TEC: variants seen among roughly 807,000 people sequenced by gnomAD.
The protein encoded by TEC is tyrosine-protein kinase Tec.
TEC carries 72 observed loss-of-function variants against 93.0 expected under a neutral mutation model. That is an observed-to-expected ratio of 0.77 (90% CI 0.64 to 0.94). The LOEUF (loss-of-function observed/expected upper bound fraction) is 0.94, where lower values mean the gene tolerates loss of function less well. TEC is among the 40% of genes least tolerant of loss of function. The probability of loss-of-function intolerance (pLI) is 0.00; values close to 1 mark genes in which losing one functional copy is unlikely to be tolerated. For synonymous variants in TEC, 249 were observed against 247.7 expected (o/e 1.01, Z -0.05); for missense variants, 630 against 757.9 (o/e 0.83, Z 1.98).
At chr4:48,176,495 T>C (rs1326230534) in intron 2 of TEC, among the ~76,000 whole-genome samples, 1 of 152,040 alleles carries the variant, frequency 6.6e-6, no homozygotes, top group Non-Finnish European at 1.5e-5. Context: ...CCAAGGCGGG[T>C]GGATTACTTG....
chr4:48,203,486 G>T (rs946186797), intron 2 of TEC, among the ~76,000 whole-genome samples: 1 of 152,252 alleles, frequency 6.6e-6, no homozygotes, highest in South Asian at 2.1e-4. Context: ...TGCATACTGC[G>T]CAGACCATTC....
chr4:48,241,988 T>C (rs558266867), intron 1 of TEC, among the ~76,000 whole-genome samples: 2 of 152,356 alleles, frequency 1.3e-5, no homozygotes, highest in Admixed American at 1.3e-4. Flanking sequence ...CAAGAAATGA[T>C]CTTTGTTCTA....
intron 1 of TEC, among the ~76,000 whole-genome samples, chr4:48,230,553 C>T (rs1723617544): frequency 1.3e-5 from 2 of 152,180 alleles, no homozygotes; most frequent in African/African-American, 2.4e-5. Context: ...CAAGTTCTTG[C>T]CTGCTTTTAT....
intron 2 of TEC, among the ~76,000 whole-genome samples, chr4:48,186,570 G>A (rs1363856846): frequency 6.8e-6 from 1 of 147,910 alleles, no homozygotes; most frequent in Non-Finnish European, 1.5e-5. Flanking sequence ...GGTGAGGAGC[G>A]TCTCCGCCCG....
intron 14 of TEC, among the ~76,000 whole-genome samples, chr4:48,144,181 C>T (rs921134263): frequency 1.3e-5 from 2 of 151,970 alleles, no homozygotes; most frequent in Non-Finnish European, 2.9e-5. Context: ...CGCCACTGCA[C>T]TCCAGCCTGG....
In TEC at chr4:48,187,430, A is replaced by G. The variant is rs530484587; in HGVS notation, c.139-11244T>C. Among the ~76,000 whole-genome samples the G allele has an allele frequency of 3.7e-5, 4 of 106,934 alleles. No individual in the cohort carries two copies. In the East Asian group the frequency reaches 9.9e-4, roughly 26 times the overall value. 70.2% of individuals were successfully genotyped at this position (106,934 alleles called of 152,430 possible). On this transcript the variant is annotated intron_variant, in intron 2 of 17. Transcript: ENST00000381501. ...AGAAACACCCAAGAATGATCAATAAATACTAAAAAAAAAAAAAAAAAGAAA... is the reference window on the plus strand; with the variant it reads ...AGAAACACCCAAGAATGATCAATAAGTACTAAAAAAAAAAAAAAAAAGAAA...
rs752337530 is a variant in TEC, at chr4:48,167,914, T to C, written c.535A>G (p.Asn179Asp). The C allele has an allele frequency of 7.6e-5, 123 of 1,613,794 alleles. No homozygotes were observed. In the South Asian group the frequency reaches 9.0e-4, roughly 12 times the overall value. The change falls in exon 7 of 18, where the codon AAT becomes GAT. Residue 179 changes from asparagine to aspartate, a missense_variant. By Grantham distance (23) the Asn-to-Asp change is conservative (BLOSUM62 1). This residue lies in a region of TEC where 335 missense variants were observed against 351.5 expected (regional missense o/e 0.95). Transcript: ENST00000381501. ...ATGGCTACAACGATTTCTTCACTATTATCTTCTTCTTCTAGTGGAATTGGT... is the reference window on the plus strand; with the variant it reads ...ATGGCTACAACGATTTCTTCACTATCATCTTCTTCTTCTAGTGGAATTGGT... ...PPPIPLEEED[N>D]SEEIVVAMYD...
chr4:48,138,462 G>A (rs191101312), intron 17 of TEC, among the ~76,000 whole-genome samples: 34 of 152,278 alleles, frequency 2.2e-4, no homozygotes, highest in African/African-American at 8.2e-4. Flanking sequence ...TGAATGTATC[G>A]AGGTAGTTAT....
chr4:48,225,208 C>G (rs1219204684), intron 2 of TEC, among the ~76,000 whole-genome samples: 1 of 152,004 alleles, frequency 6.6e-6, no homozygotes, highest in Non-Finnish European at 1.5e-5. Context: ...TGGAGTCTCG[C>G]TCTGTTACCC....
At chr4:48,220,671 T>C (rs1279457055) in intron 2 of TEC, among the ~76,000 whole-genome samples, 4 of 152,184 alleles carry the variant, frequency 2.6e-5, no homozygotes, top group Non-Finnish European at 5.9e-5. Context: ...GCCTCAAGTA[T>C]TTCTTTATAG....
rs984440100 is a variant in TEC at position 48,168,484 on chromosome 4, A to G, written c.495+102T>C. 12 of 1,250,010 alleles carry G rather than the reference A, an allele frequency of 9.6e-6. No individual in the cohort carries two copies. The African/African-American group carries it at 1.8e-4, about 19-fold the overall frequency. 77.4% of individuals were successfully genotyped at this position (1,250,010 alleles called of 1,614,324 possible). A position where few individuals can be genotyped will look rare whatever the true frequency, so the allele number is the denominator to read the frequency against. On this transcript the variant is annotated intron_variant, in intron 6 of 17. Transcript: ENST00000381501. ...CCTAGGGAAAAATTGTGTCACATCA[A>G]TGAATAAACCGCATACTCAGTAAGT...
At chr4:48,170,915 G>T (rs1721079974) in intron 4 of TEC, among the ~76,000 whole-genome samples, 1 of 152,040 alleles carries the variant, frequency 6.6e-6, no homozygotes, top group Admixed American at 6.6e-5. Flanking sequence ...GCCGGGCATG[G>T]TGGTGGGTGC....
chr4:48,236,213 T>C (rs994546283), intron 1 of TEC, among the ~76,000 whole-genome samples: 2 of 152,082 alleles, frequency 1.3e-5, no homozygotes, highest in African/African-American at 2.4e-5. Flanking sequence ...AATTTTAAAA[T>C]GAAGATGAAA....
At chr4:48,164,196 C>T (rs12649067) in intron 7 of TEC, among the ~76,000 whole-genome samples, 48,402 of 152,066 alleles carry the variant, frequency 0.32, 8,573 homozygotes, top group East Asian at 0.68. Context: ...TGAGAAAAGT[C>T]AAAGTGTTGG....
At chr4:48,177,910 T>C (rs1721399134) in intron 2 of TEC, among the ~76,000 whole-genome samples, 1 of 152,196 alleles carries the variant, frequency 6.6e-6, no homozygotes, top group South Asian at 2.1e-4. Context: ...AAGATGTGCC[T>C]CTTTCCTTTT....
At chr4:48,255,574 C>G (rs928005354) in intron 1 of TEC, among the ~76,000 whole-genome samples, 8 of 152,142 alleles carry the variant, frequency 5.3e-5, no homozygotes, top group African/African-American at 1.9e-4. Context: ...CCCAGATAAC[C>G]AAAAGGGCAC....
At chr4:48,160,783 A>AAAG (rs1720609457) in intron 8 of TEC, among the ~76,000 whole-genome samples, 2 of 146,056 alleles carry the variant, frequency 1.4e-5, no homozygotes, top group African/African-American at 5.0e-5. Flanking sequence ...AGAAAGAAAG[A>AAAG]AAAGAAAAGA....
chr4:48,263,568 G>C (rs1195772716), intron 1 of TEC, among the ~76,000 whole-genome samples: 1 of 152,124 alleles, frequency 6.6e-6, no homozygotes, highest in Non-Finnish European at 1.5e-5. Context: ...ACAAAAATTA[G>C]CTGGGTGTGG....
At chr4:48,215,442 G>A (rs1723046672) in intron 2 of TEC, among the ~76,000 whole-genome samples, 1 of 152,250 alleles carries the variant, frequency 6.6e-6, no homozygotes, top group African/African-American at 2.4e-5. Flanking sequence ...GGGAGGTGGA[G>A]ACTGCAGTGA....
Sources: gnomAD v4.1 joint callset for allele counts (sites outside exome capture counted in the v4.1 genomes callset) on GRCh38, gnomAD v4.1.1 for gene constraint, gnomAD v4.1.1 regional missense constraint, MANE v1.5 for transcripts, NCBI Gene and HGNC (gene_info 2026-07-23, HGNC 2026-07-21) for gene names.